VAV3: variants seen among roughly 807,000 people sequenced by gnomAD.
VAV3 encodes the protein vav guanine nucleotide exchange factor 3.
In VAV3, 94 loss-of-function variants were observed where a neutral mutation model predicts 131.2. The observed-to-expected ratio is 0.72, with a 90% CI of 0.61 to 0.85. The LOEUF (loss-of-function observed/expected upper bound fraction) is 0.85. VAV3 is among the 40% of genes least tolerant of loss of function. The pLI is 0.00. For missense variants in VAV3, 939 were observed against 1,002.7 expected, an observed-to-expected ratio of 0.94 and a Z score of 0.86; for synonymous variants, 349 against 342.0, an observed-to-expected ratio of 1.02 and a Z score of -0.22.
chr1:107,866,401 G>A (rs1669987263), intron 2 of VAV3, among the ~76,000 whole-genome samples: 1 of 152,084 alleles, frequency 6.6e-6, no homozygotes, highest in Admixed American at 6.6e-5. Flanking sequence ...ATTTTTGGAA[G>A]ATTATGTTGA....
intron 9 of VAV3, among the ~76,000 whole-genome samples, chr1:107,764,264 T>C (rs575130315): frequency 3.7e-4 from 56 of 152,218 alleles, no homozygotes; most frequent in African/African-American, 1.3e-3. Flanking sequence ...TCAGGAATGC[T>C]CTCCATAGAA....
intron 19 of VAV3, among the ~76,000 whole-genome samples, chr1:107,660,649 C>G (rs1016559028): frequency 2.6e-5 from 4 of 152,184 alleles, no homozygotes; most frequent in Non-Finnish European, 5.9e-5. Flanking sequence ...CTTTCAGCTT[C>G]TGTTTGTTCA....
At chr1:107,831,896 GCAC>G (rs775260942) in intron 2 of VAV3, among the ~76,000 whole-genome samples, 1 of 152,156 alleles carries the variant, frequency 6.6e-6, no homozygotes, top group Non-Finnish European at 1.5e-5. Flanking sequence ...ATGTAAAATT[GCAC>G]CACATTTGGA....
chr1:107,598,545 C>T (rs1213152420), intron 24 of VAV3, among the ~76,000 whole-genome samples: 2 of 151,998 alleles, frequency 1.3e-5, no homozygotes, highest in African/African-American at 4.8e-5. Context: ...TCCTTGGGCC[C>T]AGATAATGTG....
intron 2 of VAV3, among the ~76,000 whole-genome samples, chr1:107,783,845 G>T (rs530764171): frequency 3.3e-5 from 5 of 149,528 alleles, no homozygotes; most frequent in Non-Finnish European, 7.4e-5. Flanking sequence ...TCAGGAGATC[G>T]AGACCATCCT....
intron 19 of VAV3, among the ~76,000 whole-genome samples, chr1:107,681,443 A>G (rs565718575): frequency 2.1e-4 from 32 of 152,292 alleles, no homozygotes; most frequent in African/African-American, 7.0e-4. Flanking sequence ...AAGCTTTGCA[A>G]CTAACCAGCA....
chr1:107,648,697 T>C (rs1260267912), intron 19 of VAV3, among the ~76,000 whole-genome samples: 1 of 152,074 alleles, frequency 6.6e-6, no homozygotes, highest in Non-Finnish European at 1.5e-5. Flanking sequence ...TTTGTCACAT[T>C]ATAAAACTAA....
intron 15 of VAV3, among the ~76,000 whole-genome samples, chr1:107,707,795 G>T (rs1283080794): frequency 6.6e-6 from 1 of 152,200 alleles, no homozygotes; most frequent in Non-Finnish European, 1.5e-5. Flanking sequence ...TGGCCTGTGG[G>T]GGTGCCGAAA....
intron 2 of VAV3, among the ~76,000 whole-genome samples, chr1:107,823,624 G>A (rs940766787): frequency 1.3e-5 from 2 of 152,204 alleles, no homozygotes; most frequent in Non-Finnish European, 2.9e-5. Flanking sequence ...AAAGTCACGA[G>A]ACTGTCTGTT....
chr1:107,823,500 T>TA lies in VAV3; in HGVS notation c.322-44009dup, dbSNP rs1019607201. ...ACTCCCCACGTGGGCTGGGTAGCAT[T>TA]AAAAAAAAATAATAAAGATTAGAAT... On this transcript the variant is annotated intron_variant, in intron 2 of 26. Transcript: ENST00000370056. Among the ~76,000 whole-genome samples, 492 of 150,182 alleles carry TA rather than the reference T, an allele frequency of 3.3e-3. 1 individual carries two copies. Among genetic ancestry groups the TA allele is most frequent in the African/African-American group, 0.011 (456 of 41,034 alleles).
Position 107,573,164 on chromosome 1 carries a change from T to A in VAV3, c.*167A>T, listed in dbSNP as rs1480462582. 4 of 706,896 alleles carry A rather than the reference T, an allele frequency of 5.7e-6. No individual in the cohort carries two copies. Among genetic ancestry groups the A allele is most frequent in the Non-Finnish European group, 9.3e-6 (4 of 431,348 alleles). 43.8% of individuals were successfully genotyped at this position (706,896 alleles called of 1,614,324 possible). Reference sequence around the variant, plus strand: ...AGCCATTAATCTGTCAGTACCAGCATCTTTAGAAATCTCAGCATTAAGACT... The same window carrying A: ...AGCCATTAATCTGTCAGTACCAGCAACTTTAGAAATCTCAGCATTAAGACT... On this transcript the variant is annotated 3_prime_UTR_variant, in exon 27 of 27. Coordinates refer to ENST00000370056, the MANE Select transcript of VAV3 (RefSeq NM_006113.5).
intron 1 of VAV3, among the ~76,000 whole-genome samples, chr1:107,955,176 A>C (rs897613590): frequency 6.6e-6 from 1 of 152,136 alleles, no homozygotes; most frequent in Non-Finnish European, 1.5e-5. Flanking sequence ...TTTAGAGATG[A>C]GGAAGCTAAA....
intron 17 of VAV3, among the ~76,000 whole-genome samples, chr1:107,693,821 C>T (rs1290521878): frequency 1.3e-5 from 2 of 152,152 alleles, no homozygotes; most frequent in African/African-American, 4.8e-5. Flanking sequence ...GGGGTAGAGA[C>T]AGACACCAAA....
chr1:107,921,690 G>A (rs1314871029), intron 1 of VAV3, among the ~76,000 whole-genome samples: 2 of 152,044 alleles, frequency 1.3e-5, no homozygotes, highest in African/African-American at 2.4e-5. Context: ...AAATTATGGT[G>A]GTAAACATTC....
At chr1:107,887,397 T>C (rs575192059) in intron 1 of VAV3, among the ~76,000 whole-genome samples, 6 of 152,346 alleles carry the variant, frequency 3.9e-5, no homozygotes, top group Non-Finnish European at 7.3e-5. Flanking sequence ...TTTTAAATCA[T>C]TGTATCACAA....
chr1:107,677,285 G>T (rs1658278782), intron 19 of VAV3, among the ~76,000 whole-genome samples: 1 of 152,006 alleles, frequency 6.6e-6, no homozygotes, highest in African/African-American at 2.4e-5. Context: ...AAATCAATTG[G>T]ATATCATTTG....
chr1:107,613,576 C>T (rs748159285), intron 21 of VAV3, among the ~76,000 whole-genome samples: 3 of 151,874 alleles, frequency 2.0e-5, no homozygotes, highest in Non-Finnish European at 4.4e-5. Flanking sequence ...ATTTTTGTTC[C>T]CTTTAATTTC....
At chr1:107,877,126 AAC>A (rs368655622) in intron 1 of VAV3, among the ~76,000 whole-genome samples, 20 of 152,306 alleles carry the variant, frequency 1.3e-4, no homozygotes, top group African/African-American at 4.6e-4. Context: ...AACCCTTTGA[AAC>A]ACAAAGGCAG....
At chr1:107,857,085 G>A (rs1374579176) in intron 2 of VAV3, among the ~76,000 whole-genome samples, 1 of 152,126 alleles carries the variant, frequency 6.6e-6, no homozygotes, top group Admixed American at 6.6e-5. Context: ...TTTTCCTCAT[G>A]GGTGTGTCTG....
Sources: gnomAD v4.1 joint callset for allele counts (sites outside exome capture counted in the v4.1 genomes callset) on GRCh38, gnomAD v4.1.1 for gene constraint, MANE v1.5 for transcripts, NCBI Gene and HGNC (gene_info 2026-07-23, HGNC 2026-07-21) for gene names.